Variants in ANKRD11 observed in about 807,000 individuals in gnomAD.
The protein encoded by ANKRD11 is ankyrin repeat domain 11.
A neutral mutation model predicts 195.7 loss-of-function variants in ANKRD11; 17 were observed. The ratio of observed to expected loss-of-function variants is 0.09; its 90% CI spans 0.06 to 0.13. The LOEUF is 0.13. Ranked by LOEUF, ANKRD11 falls within the 10% of genes least tolerant of loss-of-function variation. ANKRD11 has a pLI of 1.00. For synonymous variants in ANKRD11, 1,953 were observed against 1,528.1 expected, an observed-to-expected ratio of 1.28 and a Z score of -6.49; for missense variants, 3,735 against 3,566.1, an observed-to-expected ratio of 1.05 and a Z score of -1.21.
chr16:89,307,842 G>A (rs2036381115), intron 3 of ANKRD11, among the ~76,000 whole-genome samples: 1 of 152,270 alleles, frequency 6.6e-6, no homozygotes, highest in South Asian at 2.1e-4. Context: ...TCCTGGCCCA[G>A]GGGGTGGGTT....
intron 2 of ANKRD11, among the ~76,000 whole-genome samples, chr16:89,376,722 C>T (rs991751191): frequency 2.0e-5 from 3 of 152,138 alleles, no homozygotes; most frequent in Non-Finnish European, 2.9e-5. Context: ...TACAGGCGTG[C>T]GCCACCACGC....
intron 2 of ANKRD11, among the ~76,000 whole-genome samples, chr16:89,391,618 A>C (rs1185814962): frequency 1.3e-5 from 2 of 152,228 alleles, no homozygotes; most frequent in East Asian, 3.8e-4. Flanking sequence ...AAATACATGA[A>C]GTCAAGCTAC....
chr16:89,340,678 A>C (rs2038614702), intron 2 of ANKRD11, among the ~76,000 whole-genome samples: 1 of 152,210 alleles, frequency 6.6e-6, no homozygotes, highest in Non-Finnish European at 1.5e-5. Flanking sequence ...AAAAGAGACA[A>C]TATAATTAAC....
At chr16:89,426,307 A>G (rs969943984) in intron 1 of ANKRD11, among the ~76,000 whole-genome samples, 4 of 152,200 alleles carry the variant, frequency 2.6e-5, no homozygotes, top group African/African-American at 9.6e-5. Context: ...ACAAAAGCCA[A>G]CAGTGAAAAC....
At position 89,366,129 on chromosome 16, in the gene ANKRD11, C is replaced by CAAA. The variant is rs71387689; in HGVS notation, c.-59-49054_-59-49052dup. Among the ~76,000 whole-genome samples, 461 of 60,288 alleles carry CAAA rather than the reference C, an allele frequency of 7.6e-3. 16 individuals carry two copies. The highest frequency in any genetic ancestry group is 0.023 in the African/African-American group (374 of 16,100). The allele number at this position is 60,288 out of a possible 152,430, so 39.6% of individuals were successfully genotyped here. ...TGGGTGACAAAGTGAGACTCCATCT[C>CAAA]AAAAAAAAAAAAAAAAAAAAAAGAC... On this transcript the variant is annotated intron_variant, in intron 2 of 12. Coordinates refer to ENST00000301030, the MANE Select transcript of ANKRD11 (RefSeq NM_013275.6).
chr16:89,449,541 C>A (rs190304338), intron 1 of ANKRD11, among the ~76,000 whole-genome samples: 1 of 152,148 alleles, frequency 6.6e-6, no homozygotes, highest in Non-Finnish European at 1.5e-5. Flanking sequence ...TGCCTGTAAT[C>A]CGAGCACTTT....
chr16:89,287,998 G>T, intron 7 of ANKRD11: 1 of 484,250 alleles, frequency 2.1e-6, no homozygotes, highest in South Asian at 4.6e-5. Flanking sequence ...CCGGCAGGAC[G>T]GGGCTGTCAG....
At chr16:89,458,453 T>C (rs202216472) in intron 1 of ANKRD11, among the ~76,000 whole-genome samples, 2 of 152,180 alleles carry the variant, frequency 1.3e-5, no homozygotes, top group East Asian at 3.9e-4. Flanking sequence ...CTCGATCTCC[T>C]GACCTCGTGA....
chr16:89,364,500 G>GTATT (rs1477206618), intron 2 of ANKRD11, among the ~76,000 whole-genome samples: 1 of 152,216 alleles, frequency 6.6e-6, no homozygotes, highest in African/African-American at 2.4e-5. Context: ...GCCTTTCCAT[G>GTATT]TATTTTTCTT....
intron 1 of ANKRD11, among the ~76,000 whole-genome samples, chr16:89,485,323 T>TA (rs397855823): frequency 0.029 from 3,707 of 128,064 alleles, 71 homozygotes; most frequent in Middle Eastern, 0.09. Context: ...ATCTCTACTT[T>TA]AAAAAAAAAA....
intron 2 of ANKRD11, among the ~76,000 whole-genome samples, chr16:89,337,007 C>CAAAAAAAAAAA (rs60248736): frequency 4.2e-5 from 2 of 47,728 alleles, no homozygotes; most frequent in Non-Finnish European, 7.5e-5. Flanking sequence ...CTGGCTCTAC[C>CAAAAAAAAAAA]AAAAAAAAAA....
At chr16:89,364,851 C>G (rs1311934981) in intron 2 of ANKRD11, among the ~76,000 whole-genome samples, 1 of 152,240 alleles carries the variant, frequency 6.6e-6, no homozygotes, top group Admixed American at 6.5e-5. Flanking sequence ...CCTGATCCCA[C>G]TGCAGATGTT....
At position 89,305,236 on chromosome 16, in the gene ANKRD11, C is replaced by T. The variant is rs949172972; in HGVS notation, c.196G>A (p.Ala66Thr). 7.4e-6 allele frequency: 12 copies of T among 1,613,580 alleles called. No individual in the cohort carries two copies. Among genetic ancestry groups the T allele is most frequent in the Admixed American group, 1.7e-5 (1 of 60,010 alleles). ...SKRKLPFTAGANGEQKDSDTE... is the reference protein window; with the variant it reads ...SKRKLPFTAGTNGEQKDSDTE... The stretch of plus-strand genomic sequence containing the variant: ...TCCGAGTCCTTCTGCTCCCCATTGG[C>T]GCCCGCGGTGAAGGGCAGCTTCCGC... Residue 66 changes from alanine to threonine, a missense_variant, in exon 4 of 13, where the codon GCC becomes ACC. Physicochemically the swap from Ala to Thr is moderately conservative, Grantham distance 58 (BLOSUM62 0). Coordinates refer to ENST00000301030, the MANE Select transcript of ANKRD11 (RefSeq NM_013275.6).
At position 89,284,723 on chromosome 16, in the gene ANKRD11, T is replaced by C. The variant is rs2151762551; in HGVS notation, c.1819A>G (p.Lys607Glu). ...EHRKRASLSE[K>E]KSPFLSSAEG... Reference sequence around the variant, plus strand: ...GCGCTGGACAGGAAGGGGCTCTTCTTCTCCGACAGGGAGGCTCGCTTCCTG... The same window carrying C: ...GCGCTGGACAGGAAGGGGCTCTTCTCCTCCGACAGGGAGGCTCGCTTCCTG... The change falls in exon 9 of 13, where the codon AAG (lysine) becomes GAG (glutamate). Residue 607 changes from lysine (K) to glutamate (E), a missense_variant. Lys to Glu is a moderately conservative substitution (Grantham distance 56). Coordinates refer to ENST00000301030, the MANE Select transcript of ANKRD11 (RefSeq NM_013275.6). 6 of 1,613,794 alleles carry C rather than the reference T, an allele frequency of 3.7e-6. No homozygotes were observed. The highest frequency in any genetic ancestry group is 2.2e-5 in the East Asian group (1 of 44,860).
At chr16:89,462,024 C>T (rs899489762) in intron 1 of ANKRD11, among the ~76,000 whole-genome samples, 2 of 150,934 alleles carry the variant, frequency 1.3e-5, no homozygotes, top group Middle Eastern at 3.5e-3. Flanking sequence ...GTCACGCTCC[C>T]TCTCCCTCCC....
At chr16:89,316,894 G>C in intron 3 of ANKRD11, 39 bp downstream of exon 3, 1 of 1,601,406 alleles carries the variant, frequency 6.2e-7, no homozygotes, top group Non-Finnish European at 8.5e-7. Flanking sequence ...CCCCATCTGG[G>C]TGCGGTGAGC....
intron 2 of ANKRD11, among the ~76,000 whole-genome samples, chr16:89,370,014 G>C (rs911871303): frequency 6.6e-6 from 1 of 152,204 alleles, no homozygotes; most frequent in Non-Finnish European, 1.5e-5. Flanking sequence ...CCTTCAGGAA[G>C]AGCCAGGCCA....
At chr16:89,286,498 C>A in intron 7 of ANKRD11, 2 of 521,496 alleles carry the variant, frequency 3.8e-6, no homozygotes, top group Non-Finnish European at 6.3e-6. Context: ...CGCAAGTAGA[C>A]GACTTCCCAG....
At chr16:89,428,079 G>A (rs548947430) in intron 1 of ANKRD11, among the ~76,000 whole-genome samples, 72 of 148,116 alleles carry the variant, frequency 4.9e-4, no homozygotes, top group East Asian at 3.9e-3. Context: ...ATGGTGGCGC[G>A]CGCCTGTAAT....
Sources: allele counts gnomAD v4.1 joint callset (sites outside exome capture counted in the v4.1 genomes callset), GRCh38; gene constraint gnomAD v4.1.1; transcripts MANE v1.5; gene names NCBI Gene and HGNC (gene_info 2026-07-23, HGNC 2026-07-21).